Variants in STAC3 observed in about 807,000 individuals in gnomAD.
STAC3 encodes the protein SH3 and cysteine rich domain 3.
Under a neutral mutation model 48.5 loss-of-function variants are expected in STAC3, and 30 were observed. That is an observed-to-expected ratio of 0.62 (90% CI 0.46 to 0.84). STAC3 has a LOEUF of 0.84. Ranked by LOEUF, STAC3 falls within the 40% of genes least tolerant of loss-of-function variation. The probability of loss-of-function intolerance (pLI) is 0.00; values close to 1 mark genes in which losing one functional copy is unlikely to be tolerated. For synonymous variants in STAC3, 144 were observed against 158.6 expected, an observed-to-expected ratio of 0.91 and a Z score of 0.69; for missense variants, 419 against 462.6, an observed-to-expected ratio of 0.91 and a Z score of 0.86.
intron 7 of STAC3, 86 bp from the exon 8 acceptor site, chr12:57,245,051 C>T: frequency 6.2e-7 from 1 of 1,602,482 alleles, no homozygotes; most frequent in Non-Finnish European, 8.5e-7. Context: ...CCTCGTCTAT[C>T]CAAAGCTGGC....
At position 57,244,349 on chromosome 12, in the gene STAC3, G is replaced by A; in HGVS notation, c.824C>T (p.Thr275Ile). 1 of 1,614,178 alleles carries A rather than the reference G, an allele frequency of 6.2e-7. No homozygotes were observed. Among genetic ancestry groups the A allele is most frequent in the Non-Finnish European group, 8.5e-7 (1 of 1,180,046 alleles). ...TTCTTCATTGGAGTCATCAATGACT[G>A]TGATCTTCTCTCCTGGCCTGGGAGG... is the stretch of plus-strand genomic sequence containing the variant. ...DLDFPPGEKI[T>I]VIDDSNEEWW... is the part of the protein sequence containing the mutation. The change falls in exon 10 of 12, where the codon ACA becomes ATA. Residue 275 changes from threonine to isoleucine, a missense_variant. Transcript: ENST00000332782.
intron 8 of STAC3, 32 bp downstream of exon 8, chr12:57,244,884 C>A: frequency 6.2e-7 from 1 of 1,613,596 alleles, no homozygotes; most frequent in South Asian, 1.1e-5. Flanking sequence ...GGGGAGAGAA[C>A]TGGGTTCCTT....
At chr12:57,247,416 ATTATTATTATTATTTTTTT>A (rs1220012258) in intron 5 of STAC3, among the ~76,000 whole-genome samples, 1 of 47,992 alleles carries the variant, frequency 2.1e-5, no homozygotes, top group Admixed American at 2.0e-4. Context: ...TATTATTATT[ATTATTATTATTATTTTTTT>A]TTTTTTTTTT....
chr12:57,248,935 C>G, intron 3 of STAC3, 106 bp downstream of exon 3: 3 of 1,545,478 alleles, frequency 1.9e-6, no homozygotes, highest in Non-Finnish European at 2.6e-6. Context: ...TTGCCTTACA[C>G]CAACTCTAGC....
rs141393784 is a variant in STAC3 at position 57,245,432 on chromosome 12, C to T, written c.604-221G>A. Among the ~76,000 whole-genome samples the T allele has an allele frequency of 2.9e-3, 442 of 150,654 alleles. 8 individuals carry two copies. The East Asian group carries it at 0.049, about 17-fold the overall frequency. On this transcript the variant is annotated intron_variant, in intron 6 of 11. Transcript: ENST00000332782. ...CGTCACCCAGGCTGGAGTGCAGTGG[C>T]GCAATCTTGGCTCAGTGCCAGCTCC...
chr12:57,247,027 C>T (rs893212065), intron 5 of STAC3, 126 bp from the exon 6 acceptor site: 11 of 837,700 alleles, frequency 1.3e-5, no homozygotes, highest in Non-Finnish European at 1.8e-5. Context: ...GTGGGGGCGC[C>T]GCGGGGAAGA....
chr12:57,244,711 T>A, intron 8 of STAC3, 89 bp from the exon 9 acceptor site: 1 of 1,497,522 alleles, frequency 6.7e-7, no homozygotes, highest in South Asian at 1.1e-5. Flanking sequence ...CACCACACAC[T>A]CTACACTCCA....
intron 1 of STAC3, chr12:57,249,839 T>C: frequency 1.9e-6 from 1 of 528,396 alleles, no homozygotes; most frequent in Non-Finnish European, 3.4e-6. Context: ...CACTGCAGCC[T>C]CGACCTCCCA....
intron 6 of STAC3, among the ~76,000 whole-genome samples, chr12:57,246,360 CCCTTCCTTCCTTCCTTTCCTT>C (rs1214133975): frequency 1.3e-5 from 2 of 148,710 alleles, no homozygotes; most frequent in Non-Finnish European, 3.0e-5. Context: ...CTTTTCTTTT[CCCTTCCTTCCTTCCTTTCCTT>C]CCTTCCTTCC....
Position 57,245,206 on chromosome 12 carries a change from T to C in STAC3, c.609A>G (p.Val203=). Residue 203 remains valine, a synonymous_variant, in exon 7 of 12, where the codon GTA becomes GTG. Transcript: ENST00000332782. Reference sequence around the variant, plus strand: ...CTGGCTCCTCCTCCATCATGGCTGCTACAGGCTGGAGGGGGCACCAGAGTT... The same window carrying C: ...CTGGCTCCTCCTCCATCATGGCTGCCACAGGCTGGAGGGGGCACCAGAGTT... The part of the protein sequence containing the change: ...KKGQADKKNP[V]AAMMEEEPES... The C allele has an allele frequency of 6.2e-7, 1 of 1,614,128 alleles. No individual in the cohort carries two copies. Among genetic ancestry groups the C allele is most frequent in the African/African-American group, 1.3e-5 (1 of 75,044 alleles).
chr12:57,249,580 C>T lies in STAC3; in HGVS notation c.57G>A (p.Arg19=). Residue 19 remains arginine (R), a synonymous_variant, in exon 2 of 12, where the codon CGG becomes CGA. Coordinates refer to ENST00000332782, the MANE Select transcript of STAC3 (RefSeq NM_145064.3). ...AGAGGCCCAGACTCACCCCACTTTG[C>T]CGAGTCTCTGCTGGGAAGGAGGGCT... ...SPKPSFPAET[R]QSGLQRLKQL... is the part of the protein sequence containing the mutation. 8 of 1,614,048 alleles carry T rather than the reference C, an allele frequency of 5.0e-6. No individual in the cohort carries two copies. Among genetic ancestry groups the T allele is most frequent in the Non-Finnish European group, 5.9e-6 (7 of 1,179,998 alleles).
chr12:57,244,073 G>A lies in STAC3; in HGVS notation c.996+15C>T. The A allele has an allele frequency of 1.9e-6, 3 of 1,614,040 alleles. No individual in the cohort carries two copies. The highest frequency in any genetic ancestry group is 2.5e-6 in the Non-Finnish European group (3 of 1,180,010). On this transcript the variant is annotated intron_variant, in intron 11 of 11. Coordinates refer to ENST00000332782, the MANE Select transcript of STAC3 (RefSeq NM_145064.3). ...GAGCATTCAGGCCTGGGATTGGGTT[G>A]GGGCAACAGCCTACCTGGTCCTTCT...
intron 2 of STAC3, 35 bp downstream of exon 2, chr12:57,249,536 C>CT (rs775729349): frequency 4.1e-5 from 62 of 1,526,526 alleles, no homozygotes; most frequent in Middle Eastern, 3.6e-4. Flanking sequence ...GGCTTCCCAG[C>CT]CCCCCACACC....
chr12:57,244,711 T>G (rs1237226153), intron 8 of STAC3, 89 bp from the exon 9 acceptor site: 21 of 1,497,402 alleles, frequency 1.4e-5, no homozygotes, highest in Admixed American at 6.8e-5. Context: ...CACCACACAC[T>G]CTACACTCCA....
intron 1 of STAC3, among the ~76,000 whole-genome samples, 172 bp downstream of exon 1, chr12:57,250,821 A>G: frequency 1.6e-5 from 1 of 62,792 alleles, no homozygotes; most frequent in African/African-American, 6.0e-5. Flanking sequence ...CCCCACCCCC[A>G]CCCCCACCCC....
chr12:57,247,419 A>ATTTT lies in STAC3; in HGVS notation c.506-519_506-518insAAAA, dbSNP rs1360362639. Among the ~76,000 whole-genome samples the ATTTT allele has an allele frequency of 1.5e-3, 135 of 88,596 alleles. 1 individual carries two copies. Among genetic ancestry groups the ATTTT allele is most frequent in the African/African-American group, 6.3e-3 (130 of 20,528 alleles). The allele number at this position is 88,596 out of a possible 152,430, so 58.1% of individuals were successfully genotyped here. On this transcript the variant is annotated intron_variant, in intron 5 of 11. Coordinates refer to ENST00000332782, the MANE Select transcript of STAC3 (RefSeq NM_145064.3). ...GGGTTGCCAAATTATTATTATTATTATTATTATTATTTTTTTTTTTTTTTT... is the reference window on the plus strand; with the variant it reads ...GGGTTGCCAAATTATTATTATTATTATTTTTTATTATTATTTTTTTTTTTTTTTT...
At chr12:57,249,725 G>T in intron 1 of STAC3, 88 bp from the exon 2 acceptor site, 1 of 1,431,100 alleles carries the variant, frequency 7.0e-7, no homozygotes, top group East Asian at 2.3e-5. Flanking sequence ...GTCCTCAAAG[G>T]GGAGGCTTTC....
chr12:57,249,744 G>A lies in STAC3; in HGVS notation c.-1-107C>T, dbSNP rs796724413. On this transcript the variant is annotated intron_variant, in intron 1 of 11. Coordinates refer to ENST00000332782, the MANE Select transcript of STAC3 (RefSeq NM_145064.3). ...TCAAAGGGGAGGCTTTCGGAGAAATGTGATGAGAGATTTTGCTGTTGTTAC... is the reference window on the plus strand; with the variant it reads ...TCAAAGGGGAGGCTTTCGGAGAAATATGATGAGAGATTTTGCTGTTGTTAC... 21 of 1,212,160 alleles carry A rather than the reference G, an allele frequency of 1.7e-5. No individual in the cohort carries two copies. The East Asian group carries it at 3.6e-4, about 21-fold the overall frequency. The allele number at this position is 1,212,160 out of a possible 1,614,324, so 75.1% of individuals were successfully genotyped here.
At chr12:57,245,532 G>A (rs1355529012) in intron 6 of STAC3, among the ~76,000 whole-genome samples, 1 of 151,970 alleles carries the variant, frequency 6.6e-6, no homozygotes, top group Non-Finnish European at 1.5e-5. Flanking sequence ...CACCACGCCC[G>A]GCTAATTTTT....
Sources: allele counts gnomAD v4.1 joint callset (sites outside exome capture counted in the v4.1 genomes callset), GRCh38; gene constraint gnomAD v4.1.1; transcripts MANE v1.5; gene names NCBI Gene and HGNC (gene_info 2026-07-23, HGNC 2026-07-21).